Variants in GPM6B observed in about 807,000 individuals in gnomAD.
GPM6B encodes the protein glycoprotein M6B.
A neutral mutation model predicts 27.2 loss-of-function variants in GPM6B; 4 were observed. That is an observed-to-expected ratio of 0.15 (90% confidence interval 0.07 to 0.34). GPM6B has a LOEUF of 0.34. GPM6B is among the 10% of genes least tolerant of loss of function. The pLI, the probability that GPM6B is intolerant of heterozygous loss-of-function variation, is 1.00. For synonymous variants in GPM6B, 124 were observed against 103.1 expected, an observed-to-expected ratio of 1.20 and a Z score of -1.23; for missense variants, 183 against 261.9, an observed-to-expected ratio of 0.70 and a Z score of 2.08.
chrX:13,870,056 C>T (rs772271869), intron 1 of GPM6B, among the ~76,000 whole-genome samples: 21 of 111,861 alleles, frequency 1.9e-4, no homozygotes, highest in African/African-American at 6.8e-4. Flanking sequence ...GAATATCCCT[C>T]AATTTGGGTT....
Position 13,771,267 on chromosome X carries a change from T to C in GPM6B, c.*1614A>G, listed in dbSNP as rs2048292785. On this transcript the variant is annotated 3_prime_UTR_variant, in exon 8 of 8. Coordinates refer to ENST00000316715, the MANE Select transcript of GPM6B (RefSeq NM_001001995.3). ...TTAGACACTGCCTCTTCTAGAACAC[T>C]GGACTCTGACAGCACCTCCACTGCT... is the stretch of plus-strand genomic sequence containing the variant. The C allele has an allele frequency of 9.0e-6, 1 of 111,445 alleles. No homozygotes were observed. Among genetic ancestry groups the C allele is most frequent in the Non-Finnish European group, 1.9e-5 (1 of 52,982 alleles). The allele number at this position is 111,445 out of a possible 1,213,427, so 9.2% of individuals were successfully genotyped here.
chrX:13,903,292 C>G (rs1841092222), intron 1 of GPM6B, among the ~76,000 whole-genome samples: 1 of 111,889 alleles, frequency 8.9e-6, no homozygotes, highest in African/African-American at 3.3e-5. Context: ...AGCGCCCAAC[C>G]ATCAACCAGC....
At chrX:13,905,469 T>A (rs2050321745) in intron 1 of GPM6B, among the ~76,000 whole-genome samples, 1 of 111,068 alleles carries the variant, frequency 9.0e-6, no homozygotes, top group Non-Finnish European at 1.9e-5. Flanking sequence ...AGCTACCTTG[T>A]AAAATGCCAA....
chrX:13,875,017 G>C (rs1319085564), intron 1 of GPM6B, among the ~76,000 whole-genome samples: 1 of 102,672 alleles, frequency 9.7e-6, no homozygotes, highest in African/African-American at 3.7e-5. Context: ...AAACAGGATA[G>C]GCCCTATGAT....
rs1310084479 is a variant in GPM6B at position 13,934,240 on chromosome X, C to T, written c.-198+4087G>A. 3.6e-5 allele frequency among the ~76,000 whole-genome samples: 4 copies of T among 111,305 alleles called. No individual in the cohort carries two copies. The East Asian group carries it at 1.1e-3, about 31-fold the overall frequency. ...TTAAAAGGGAGCTCTCTCCAAGATC[C>T]AAGGGTGGGCTCCTTACTAGATCTT... On this transcript the variant is annotated intron_variant, in intron 1 of 6. Transcript: ENST00000398361.
rs547521387 is a variant in GPM6B, at chrX:13,857,913, G to A, written c.-197-72105C>T. Among the ~76,000 whole-genome samples the A allele has an allele frequency of 1.6e-4, 18 of 112,305 alleles. No homozygotes were observed. The South Asian group carries it at 6.6e-3, about 41-fold the overall frequency. On this transcript the variant is annotated intron_variant, in intron 1 of 6. Coordinates refer to the GPM6B transcript ENST00000398361. Reference sequence around the variant, plus strand: ...TACAGTATGAGCAATACCGCAATAAGGATTAGTTCATGATTTCATTCATTC... The same window carrying A: ...TACAGTATGAGCAATACCGCAATAAAGATTAGTTCATGATTTCATTCATTC...
chrX:13,876,266 T>C (rs1247378848), intron 1 of GPM6B, among the ~76,000 whole-genome samples: 1 of 111,655 alleles, frequency 9.0e-6, no homozygotes, highest in Non-Finnish European at 1.9e-5. Flanking sequence ...CAGTTTAAGA[T>C]TACAGATTAG....
At chrX:13,796,947 G>A (rs1054033746) in intron 2 of GPM6B, among the ~76,000 whole-genome samples, 1 of 112,551 alleles carries the variant, frequency 8.9e-6, no homozygotes, top group Non-Finnish European at 1.9e-5. Context: ...CTGGTAAAGT[G>A]GGACAGCAAG....
chrX:13,830,475 C>T (rs918282182), intron 1 of GPM6B, among the ~76,000 whole-genome samples: 1 of 112,294 alleles, frequency 8.9e-6, no homozygotes, highest in Admixed American at 9.4e-5. Flanking sequence ...TCAGTTCTTC[C>T]TTACTTACTA....
chrX:13,897,674 T>C (rs2050245757), intron 1 of GPM6B, among the ~76,000 whole-genome samples: 1 of 111,786 alleles, frequency 8.9e-6, no homozygotes, highest in Non-Finnish European at 1.9e-5. Flanking sequence ...GTGGATAATA[T>C]TGCACTACTT....
At chrX:13,937,921 GGA>G (rs1048317241) in intron 1 of GPM6B, among the ~76,000 whole-genome samples, 3 of 111,323 alleles carry the variant, frequency 2.7e-5, no homozygotes, top group Non-Finnish European at 5.7e-5. Flanking sequence ...GGGACAAAGA[GGA>G]GAGACTCAGC....
chrX:13,786,556 C>T (rs1409254849), intron 2 of GPM6B, among the ~76,000 whole-genome samples: 1 of 110,415 alleles, frequency 9.1e-6, no homozygotes, highest in Non-Finnish European at 1.9e-5. Context: ...GCAATTCATT[C>T]ACAGTCCTCC....
At chrX:13,816,041 G>A (rs956186893) in intron 1 of GPM6B, among the ~76,000 whole-genome samples, 18 of 112,026 alleles carry the variant, frequency 1.6e-4, no homozygotes, top group Non-Finnish European at 2.3e-4. Flanking sequence ...AACAGTGGCT[G>A]AGCCGATTCT....
intron 1 of GPM6B, among the ~76,000 whole-genome samples, chrX:13,932,357 G>A (rs1171132379): frequency 5.4e-5 from 6 of 111,852 alleles, no homozygotes; most frequent in African/African-American, 2.0e-4. Flanking sequence ...GCCTCCCTAG[G>A]GAATCCCTCT....
intron 2 of GPM6B, among the ~76,000 whole-genome samples, chrX:13,806,020 GAT>G (rs1485025436): frequency 9.0e-6 from 1 of 110,820 alleles, no homozygotes; most frequent in Non-Finnish European, 1.9e-5. Context: ...GCTTTACTGA[GAT>G]ATAATTTATA....
chrX:13,853,590 C>CAA (rs66531403), intron 1 of GPM6B, among the ~76,000 whole-genome samples: 486 of 38,080 alleles, frequency 0.013, 13 homozygotes, highest in East Asian at 0.033. Flanking sequence ...GACACCACCT[C>CAA]AAAAAAAAAA....
chrX:13,935,480 T>G (rs1396838445), intron 1 of GPM6B, among the ~76,000 whole-genome samples: 1 of 111,424 alleles, frequency 9.0e-6, no homozygotes, highest in Non-Finnish European at 1.9e-5. Flanking sequence ...ATCAGGCCAC[T>G]GCAGTACAGC....
rs1395919205 is a variant in GPM6B at position 13,779,843 on chromosome X, C to T, written c.672G>A (p.Gln224=). 8.4e-7 allele frequency: 1 copy of T among 1,187,897 alleles called. No homozygotes were observed. The highest frequency in any genetic ancestry group is 1.8e-5 in the South Asian group (1 of 54,214). The change falls in exon 5 of 8, where the codon CAG becomes CAA. Residue 224 remains glutamine, a synonymous_variant. Coordinates refer to ENST00000316715, the MANE Select transcript of GPM6B (RefSeq NM_001001995.3). ...PQTNGTTGVE[Q]ICVDIRQYGI... ...CGTATTGTCGGATATCCACACAGAT[C>T]TGCTCCACACCCGTGGTCCCGTTGG... is the stretch of plus-strand genomic sequence containing the variant.
chrX:13,825,660 G>C (rs1438748629), intron 1 of GPM6B, among the ~76,000 whole-genome samples: 1 of 112,924 alleles, frequency 8.9e-6, no homozygotes, highest in Non-Finnish European at 1.9e-5. Context: ...TTACAGGGGG[G>C]CTACAGAAGT....
Sources: gnomAD v4.1 joint callset for allele counts (sites outside exome capture counted in the v4.1 genomes callset) on GRCh38, gnomAD v4.1.1 for gene constraint, MANE v1.5 for transcripts, NCBI Gene and HGNC (gene_info 2026-07-23, HGNC 2026-07-21) for gene names.